Variants in RIT2 observed in about 807,000 individuals in gnomAD.
The protein encoded by RIT2 is Ras like without CAAX 2.
Under a neutral mutation model 23.7 loss-of-function variants are expected in RIT2, and 24 were observed. That is an observed-to-expected ratio of 1.01 (90% confidence interval 0.73 to 1.43). RIT2 has a LOEUF of 1.43. Ranked by LOEUF, RIT2 falls within the 40% of genes most tolerant of loss-of-function variation. The probability of loss-of-function intolerance (pLI) is 0.00; values close to 1 mark genes in which losing one functional copy is unlikely to be tolerated. For synonymous variants in RIT2, 107 were observed against 91.1 expected, an observed-to-expected ratio of 1.17 and a Z score of -0.99; for missense variants, 236 against 266.9, an observed-to-expected ratio of 0.88 and a Z score of 0.81.
chr18:42,862,179 G>A (rs972877404), intron 4 of RIT2, among the ~76,000 whole-genome samples: 12 of 152,066 alleles, frequency 7.9e-5, no homozygotes, highest in African/African-American at 2.9e-4. Flanking sequence ...TTGGATCATG[G>A]GGGCTGGTTC....
At chr18:43,061,550 T>A (rs1912645554) in intron 1 of RIT2, among the ~76,000 whole-genome samples, 1 of 152,142 alleles carries the variant, frequency 6.6e-6, no homozygotes, top group Non-Finnish European at 1.5e-5. Flanking sequence ...GAACTGCCAG[T>A]TCTGGATAGA....
intron 4 of RIT2, among the ~76,000 whole-genome samples, chr18:42,832,725 T>A (rs1906493709): frequency 6.6e-6 from 1 of 151,768 alleles, no homozygotes; most frequent in South Asian, 2.1e-4. Flanking sequence ...TGTACTTAAT[T>A]ATAGTCACCC....
At chr18:42,971,637 C>T (rs965544071) in intron 3 of RIT2, among the ~76,000 whole-genome samples, 2 of 152,062 alleles carry the variant, frequency 1.3e-5, no homozygotes, top group African/African-American at 4.8e-5. Flanking sequence ...CATGATTTTT[C>T]TAGTTCACAA....
Position 42,843,251 on chromosome 18 carries a change from G to A in RIT2, c.426+80321C>T, listed in dbSNP as rs528018942. Among the ~76,000 whole-genome samples the A allele has an allele frequency of 5.3e-5, 8 of 152,152 alleles. No homozygotes were observed. The East Asian group carries it at 5.8e-4, about 11-fold the overall frequency. On this transcript the variant is annotated intron_variant, in intron 4 of 4. Transcript: ENST00000326695. ...ATACTTGTCTTGTGGAGCATTATTCGAAAAAATTCCATATATTAATGAGTA... is the reference window on the plus strand; with the variant it reads ...ATACTTGTCTTGTGGAGCATTATTCAAAAAAATTCCATATATTAATGAGTA...
intron 4 of RIT2, among the ~76,000 whole-genome samples, chr18:42,913,689 G>T (rs1286587702): frequency 1.3e-5 from 2 of 151,994 alleles, no homozygotes; most frequent in Non-Finnish European, 2.9e-5. Flanking sequence ...AGAGTAAAAA[G>T]GTGGTTGCTA....
chr18:42,950,641 G>A (rs946937587), intron 3 of RIT2, among the ~76,000 whole-genome samples: 4 of 151,686 alleles, frequency 2.6e-5, no homozygotes, highest in Non-Finnish European at 5.9e-5. Context: ...CACAAACCAC[G>A]CATCTGACAA....
chr18:42,783,397 A>AT (rs1383013054), intron 4 of RIT2, among the ~76,000 whole-genome samples: 1 of 152,090 alleles, frequency 6.6e-6, no homozygotes, highest in Non-Finnish European at 1.5e-5. Flanking sequence ...GGAAATAAAG[A>AT]TTTTACATGA....
chr18:42,947,210 G>A (rs1909748683), intron 3 of RIT2, among the ~76,000 whole-genome samples: 1 of 152,086 alleles, frequency 6.6e-6, no homozygotes, highest in Non-Finnish European at 1.5e-5. Context: ...GAAAGAGAAG[G>A]ATGTTGGAAA....
intron 4 of RIT2, among the ~76,000 whole-genome samples, chr18:42,881,587 T>C (rs142749139): frequency 1.4e-3 from 214 of 152,308 alleles, no homozygotes; most frequent in Middle Eastern, 6.8e-3. Flanking sequence ...AGCAAATGAC[T>C]TGAGATTCTT....
chr18:42,873,934 G>A (rs970913499), intron 4 of RIT2, among the ~76,000 whole-genome samples: 3 of 152,076 alleles, frequency 2.0e-5, no homozygotes, highest in African/African-American at 4.8e-5. Flanking sequence ...TGTGGCCCTG[G>A]GGGAACACAA....
At chr18:42,884,848 C>G (rs117045247) in intron 4 of RIT2, among the ~76,000 whole-genome samples, 1,971 of 152,302 alleles carry the variant, frequency 0.013, 13 homozygotes, top group Non-Finnish European at 0.019. Context: ...CCATTGGTTT[C>G]TACATCAACT....
intron 4 of RIT2, among the ~76,000 whole-genome samples, chr18:42,770,195 C>A (rs992686744): frequency 4.6e-5 from 7 of 152,216 alleles, no homozygotes; most frequent in African/African-American, 1.7e-4. Flanking sequence ...GCCACCTGGG[C>A]ACTGAATGAC....
At chr18:43,006,743 C>T (rs1325818231) in intron 2 of RIT2, among the ~76,000 whole-genome samples, 1 of 151,300 alleles carries the variant, frequency 6.6e-6, no homozygotes, top group Non-Finnish European at 1.5e-5. Context: ...ATAATAGTAA[C>T]CTCCAAAGAA....
chr18:42,901,957 T>A (rs941646123), intron 4 of RIT2, among the ~76,000 whole-genome samples: 1 of 151,954 alleles, frequency 6.6e-6, no homozygotes, highest in Non-Finnish European at 1.5e-5. Context: ...GCAGATTGAA[T>A]GAAGATGCAG....
chr18:42,759,709 A>G (rs1466590253), intron 4 of RIT2, among the ~76,000 whole-genome samples: 1 of 91,454 alleles, frequency 1.1e-5, no homozygotes, highest in Admixed American at 1.5e-4. Context: ...ACTGTGTTAA[A>G]TCTACACACA....
At chr18:43,083,571 C>A (rs1011203679) in intron 1 of RIT2, among the ~76,000 whole-genome samples, 1 of 152,016 alleles carries the variant, frequency 6.6e-6, no homozygotes, top group East Asian at 1.9e-4. Context: ...TCAGAAATAG[C>A]ACCATACATC....
chr18:43,068,004 G>A (rs1042072889), intron 1 of RIT2, among the ~76,000 whole-genome samples: 3 of 152,146 alleles, frequency 2.0e-5, no homozygotes, highest in Admixed American at 2.0e-4. Flanking sequence ...TGTTGATTGT[G>A]TAAGGCCTGT....
intron 4 of RIT2, among the ~76,000 whole-genome samples, chr18:42,821,395 A>G (rs988276608): frequency 1.3e-5 from 2 of 152,162 alleles, no homozygotes; most frequent in Non-Finnish European, 2.9e-5. Flanking sequence ...TAGTTTTGAT[A>G]GAGTAGACAG....
At chr18:43,076,553 T>C (rs1233804958) in intron 1 of RIT2, among the ~76,000 whole-genome samples, 1 of 151,886 alleles carries the variant, frequency 6.6e-6, no homozygotes, top group Non-Finnish European at 1.5e-5. Context: ...TAATATGAAA[T>C]ATACTGAATT....
Sources: allele counts gnomAD v4.1 joint callset (sites outside exome capture counted in the v4.1 genomes callset), GRCh38; gene constraint gnomAD v4.1.1; transcripts MANE v1.5; gene names NCBI Gene and HGNC (gene_info 2026-07-23, HGNC 2026-07-21).